TMEM255B: variants seen among roughly 807,000 people sequenced by gnomAD.
TMEM255B encodes the protein family with sequence similarity 70, member B.
A neutral mutation model predicts 34.5 loss-of-function variants in TMEM255B; 35 were observed. The ratio of observed to expected loss-of-function variants is 1.01; its 90% confidence interval spans 0.77 to 1.34. The LOEUF is 1.34. TMEM255B is among the 40% of genes most tolerant of loss of function. TMEM255B has a pLI of 0.00. For synonymous variants in TMEM255B, 206 were observed against 201.2 expected, an observed-to-expected ratio of 1.02 and a Z score of -0.20; for missense variants, 432 against 433.2, an observed-to-expected ratio of 1.00 and a Z score of 0.02.
At chr13:113,761,385 C>T in intron 1 of TMEM255B, 1 of 985,108 alleles carries the variant, frequency 1.0e-6, no homozygotes. Flanking sequence ...TGTGGTTCAG[C>T]TCCTCCAGCT....
rs1306968229 is a variant in TMEM255B, at chr13:113,814,874, G to C, written c.*2971G>C. On this transcript the variant is annotated 3_prime_UTR_variant, in exon 9 of 9. Transcript: ENST00000375353. ...ATGGTGGGGCAGGGGGTGCTGGGGG[G>C]TTTGGGGGTGCTGTGGCCCCGGGGC... 3 of 109,220 alleles carry C rather than the reference G, an allele frequency of 2.7e-5. No homozygotes were observed. The highest frequency in any genetic ancestry group is 1.0e-4 in the African/African-American group (3 of 28,986). 6.8% of individuals were successfully genotyped at this position (109,220 alleles called of 1,614,324 possible). A position where few individuals can be genotyped will look rare whatever the true frequency, so the allele number is the denominator to read the frequency against.
In TMEM255B at chr13:113,800,134, G is replaced by C. The variant is rs1373488256; in HGVS notation, c.424-693G>C. The stretch of plus-strand genomic sequence containing the variant: ...CAGGAGGCGTCCCGTGTGTGTTTAG[G>C]GGGGAGGTGTCCTGTGTGTGTATGT... On this transcript the variant is annotated intron_variant, in intron 5 of 8. Transcript: ENST00000375353. The C allele has an allele frequency of 5.4e-6, 6 of 1,105,180 alleles. No homozygotes were observed. The East Asian group carries it at 3.2e-4, about 59-fold the overall frequency. 68.5% of individuals were successfully genotyped at this position (1,105,180 alleles called of 1,614,324 possible).
At position 113,790,226 on chromosome 13, in the gene TMEM255B, G is replaced by A. The variant is rs1222531172; in HGVS notation, c.253-4922G>A. Among the ~76,000 whole-genome samples, 4 of 117,994 alleles carry A rather than the reference G, an allele frequency of 3.4e-5. 1 individual carries two copies. Among genetic ancestry groups the A allele is most frequent in the Non-Finnish European group, 7.7e-5 (4 of 51,934 alleles). 77.4% of individuals were successfully genotyped at this position (117,994 alleles called of 152,430 possible). On this transcript the variant is annotated intron_variant, in intron 3 of 8. Coordinates refer to ENST00000375353, the MANE Select transcript of TMEM255B (RefSeq NM_182614.4). ...ACTGACCGGGCATGTGGACATCCTA[G>A]CGCTGGACTGACCGGGCACGTGGGC...
chr13:113,797,034 T>TCCAGAC (rs1042603570), intron 4 of TMEM255B, among the ~76,000 whole-genome samples: 9 of 152,248 alleles, frequency 5.9e-5, no homozygotes, highest in African/African-American at 2.2e-4. Flanking sequence ...TTCTATGGCT[T>TCCAGAC]CCAGACGGTG....
rs552120033 is a variant in TMEM255B, at chr13:113,760,304, A to G, written c.46+989A>G. On this transcript the variant is annotated intron_variant, in intron 1 of 8. Transcript: ENST00000375353. ...CTTCCAATCTAAAGCAAAATGCTCT[A>G]TGGTCAAATGTATTAATGTGGATTA... 2.6e-5 allele frequency among the ~76,000 whole-genome samples: 4 copies of G among 152,362 alleles called. No homozygotes were observed. The East Asian group carries it at 7.7e-4, about 29-fold the overall frequency.
intron 3 of TMEM255B, among the ~76,000 whole-genome samples, chr13:113,776,898 C>T (rs9604471): frequency 0.2 from 30,559 of 151,924 alleles, 4,030 homozygotes; most frequent in African/African-American, 0.38. Flanking sequence ...CGCCCACCCA[C>T]AGGTCCCAGG....
chr13:113,787,003 A>G (rs184614149), intron 3 of TMEM255B, among the ~76,000 whole-genome samples: 11 of 152,326 alleles, frequency 7.2e-5, no homozygotes, highest in Middle Eastern at 3.4e-3. Flanking sequence ...ACTCCTGGCA[A>G]TGGGCCCCGT....
At chr13:113,771,421 C>T (rs920521823) in intron 3 of TMEM255B, among the ~76,000 whole-genome samples, 1 of 152,166 alleles carries the variant, frequency 6.6e-6, no homozygotes, top group African/African-American at 2.4e-5. Context: ...GTGGCTCATG[C>T]CTGTAATCCT....
At chr13:113,782,266 A>G (rs2138543833) in intron 3 of TMEM255B, among the ~76,000 whole-genome samples, 1 of 152,354 alleles carries the variant, frequency 6.6e-6, no homozygotes, top group Middle Eastern at 3.4e-3. Flanking sequence ...ACCTTTAAAA[A>G]GGATACAAGT....
chr13:113,796,467 C>T (rs2050941610), intron 4 of TMEM255B, among the ~76,000 whole-genome samples: 1 of 147,354 alleles, frequency 6.8e-6, no homozygotes, highest in African/African-American at 2.5e-5. Flanking sequence ...ACCACACACA[C>T]CACAGAGAGC....
Position 113,766,231 on chromosome 13 carries a change from G to T in TMEM255B, c.163G>T (p.Val55Phe). Residue 55 changes from valine to phenylalanine, a missense_variant, in exon 2 of 9, where the codon GTT (valine) becomes TTT (phenylalanine). Physicochemically the swap from Val to Phe is conservative, Grantham distance 50. Transcript: ENST00000375353. ...CACCACCAGGACGGAGAATGTGACC[G>T]TTGGGGGCTACTACCCAGGGATCAT... ...AATTRTENVTVGGYYPGIILG... is the reference protein window; with the variant it reads ...AATTRTENVTFGGYYPGIILG... 6.2e-7 allele frequency: 1 copy of T among 1,614,202 alleles called. No homozygotes were observed. Among genetic ancestry groups the T allele is most frequent in the Non-Finnish European group, 8.5e-7 (1 of 1,180,020 alleles).
chr13:113,767,303 A>T (rs1019148744), intron 2 of TMEM255B, among the ~76,000 whole-genome samples: 3 of 152,268 alleles, frequency 2.0e-5, no homozygotes, highest in Non-Finnish European at 2.9e-5. Flanking sequence ...GAATAAACAT[A>T]TACAAATAGT....
Position 113,799,379 on chromosome 13 carries a change from C to G in TMEM255B, c.383C>G (p.Ser128Cys). The G allele has an allele frequency of 1.2e-6, 2 of 1,614,140 alleles. No individual in the cohort carries two copies. The highest frequency in any genetic ancestry group is 2.2e-5 in the South Asian group (2 of 91,082). Residue 128 changes from serine to cysteine, a missense_variant, in exon 5 of 9, where the codon TCC becomes TGC. Physicochemically the swap from Ser to Cys is moderately radical, Grantham distance 112 (BLOSUM62 -1). Coordinates refer to ENST00000375353, the MANE Select transcript of TMEM255B (RefSeq NM_182614.4). ...PLTTGRCQFY[S>C]SGVGYLYDVY... is the part of the protein sequence containing the mutation. ...ACCACGGGAAGATGCCAGTTTTACT[C>G]CAGTGGGGTGGGGTACTTGTACGAT... is the stretch of plus-strand genomic sequence containing the variant.
intron 3 of TMEM255B, among the ~76,000 whole-genome samples, chr13:113,789,999 C>A (rs2050801817): frequency 6.6e-6 from 1 of 151,878 alleles, no homozygotes; most frequent in African/African-American, 2.4e-5. Context: ...CGTGGACATC[C>A]TAGCACTGGA....
At chr13:113,787,782 G>T (rs2050768390) in intron 3 of TMEM255B, among the ~76,000 whole-genome samples, 1 of 151,616 alleles carries the variant, frequency 6.6e-6, no homozygotes, top group South Asian at 2.1e-4. Context: ...AATCGCGTCA[G>T]CTGGGGCTGA....
At chr13:113,787,544 C>T (rs548123710) in intron 3 of TMEM255B, among the ~76,000 whole-genome samples, 12 of 152,104 alleles carry the variant, frequency 7.9e-5, no homozygotes, top group African/African-American at 7.2e-5. Flanking sequence ...TAGACAGTGG[C>T]GACCATGTGG....
At chr13:113,784,913 T>C (rs1318963584) in intron 3 of TMEM255B, among the ~76,000 whole-genome samples, 1 of 151,502 alleles carries the variant, frequency 6.6e-6, no homozygotes, top group Non-Finnish European at 1.5e-5. Flanking sequence ...GAAAGAAACA[T>C]GAAAAGTGGC....
At chr13:113,798,366 A>AGGAT (rs1265103540) in intron 4 of TMEM255B, among the ~76,000 whole-genome samples, 1 of 151,066 alleles carries the variant, frequency 6.6e-6, no homozygotes, top group Non-Finnish European at 1.5e-5. Flanking sequence ...GATGAATAGA[A>AGGAT]GGATGGATAA....
At chr13:113,804,314 C>T (rs1004577640) in intron 7 of TMEM255B, among the ~76,000 whole-genome samples, 11 of 152,208 alleles carry the variant, frequency 7.2e-5, no homozygotes, top group African/African-American at 1.4e-4. Flanking sequence ...AGAAACCCCA[C>T]GCTGGTTGGG....
Sources: gnomAD v4.1 joint callset for allele counts (sites outside exome capture counted in the v4.1 genomes callset) on GRCh38, gnomAD v4.1.1 for gene constraint, MANE v1.5 for transcripts, NCBI Gene and HGNC (gene_info 2026-07-23, HGNC 2026-07-21) for gene names.